TM9SF3: variants seen among roughly 807,000 people sequenced by gnomAD.
TM9SF3 encodes the protein transmembrane 9 superfamily member 3.
In TM9SF3, 14 loss-of-function variants were observed where a neutral mutation model predicts 78.6. That is an observed-to-expected ratio of 0.18 (90% CI 0.12 to 0.28). The LOEUF is 0.28. Ranked by LOEUF, TM9SF3 falls within the 10% of genes least tolerant of loss-of-function variation. TM9SF3 has a pLI of 1.00. For missense variants in TM9SF3, 496 were observed against 721.9 expected, an observed-to-expected ratio of 0.69 and a Z score of 3.59; for synonymous variants, 231 against 241.7, an observed-to-expected ratio of 0.96 and a Z score of 0.41.
chr10:96,552,177 C>A (rs545386381), intron 6 of TM9SF3, among the ~76,000 whole-genome samples: 2 of 152,268 alleles, frequency 1.3e-5, no homozygotes, highest in South Asian at 2.1e-4. Context: ...CCAAGCCAGG[C>A]ACGGTGGCTC....
chr10:96,552,857 T>G, intron 6 of TM9SF3, 71 bp downstream of exon 6: 1 of 1,339,090 alleles, frequency 7.5e-7, no homozygotes, highest in Non-Finnish European at 9.6e-7. Flanking sequence ...AATTATGACC[T>G]ACCTCCCAAC....
intron 10 of TM9SF3, among the ~76,000 whole-genome samples, chr10:96,530,970 C>T (rs947981405): frequency 2.6e-5 from 4 of 152,094 alleles, no homozygotes; most frequent in East Asian, 3.9e-4. Context: ...GGGAAAGAAA[C>T]GAAGAGTCTA....
intron 2 of TM9SF3, among the ~76,000 whole-genome samples, chr10:96,573,225 G>T (rs886177327): frequency 6.6e-6 from 1 of 152,160 alleles, no homozygotes; most frequent in African/African-American, 2.4e-5. Flanking sequence ...TCTATTATTA[G>T]TATGCTACGA....
intron 7 of TM9SF3, among the ~76,000 whole-genome samples, chr10:96,548,433 A>T (rs952772486): frequency 3.9e-5 from 6 of 152,194 alleles, no homozygotes; most frequent in African/African-American, 1.2e-4. Flanking sequence ...ACAGTAGTAT[A>T]ATCTATATTA....
intron 2 of TM9SF3, among the ~76,000 whole-genome samples, chr10:96,574,377 C>T (rs1848473154): frequency 6.6e-6 from 1 of 152,178 alleles, no homozygotes; most frequent in South Asian, 2.1e-4. Context: ...CAATGAGCTA[C>T]TACCTTATAC....
At chr10:96,581,635 A>G (rs1250721218) in intron 1 of TM9SF3, among the ~76,000 whole-genome samples, 1 of 152,232 alleles carries the variant, frequency 6.6e-6, no homozygotes, top group East Asian at 1.9e-4. Context: ...AACAATCTAC[A>G]TTAGATAACT....
At chr10:96,555,019 G>A (rs1848217459) in intron 5 of TM9SF3, among the ~76,000 whole-genome samples, 2 of 150,130 alleles carry the variant, frequency 1.3e-5, no homozygotes, top group Admixed American at 6.6e-5. Flanking sequence ...ATGGCCTCCT[G>A]GTTGGCCTTT....
chr10:96,558,866 A>G (rs1015433160), intron 5 of TM9SF3, among the ~76,000 whole-genome samples: 1 of 152,194 alleles, frequency 6.6e-6, no homozygotes, highest in African/African-American at 2.4e-5. Context: ...AGAAAGAAGC[A>G]ACAATTCAGG....
Position 96,551,316 on chromosome 10 carries a change from A to T in TM9SF3, c.888T>A (p.Gly296=). ...ACACAGCAAATATCTGACATCCAGA[A>T]CCAATCAGAGAGGAAAATATCAGTG... The part of the protein sequence containing the change: ...SHPLIFSSLI[G]SGCQIFAVSL... Residue 296 remains glycine, a synonymous_variant, in exon 7 of 15, where the codon GGT becomes GGA. Transcript: ENST00000371142. 6.2e-7 allele frequency: 1 copy of T among 1,613,170 alleles called. No individual in the cohort carries two copies.
intron 6 of TM9SF3, among the ~76,000 whole-genome samples, chr10:96,552,695 T>G (rs1398926562): frequency 6.6e-6 from 1 of 152,208 alleles, no homozygotes; most frequent in African/African-American, 2.4e-5. Context: ...ACTATTTATT[T>G]ATCCCACTTC....
At chr10:96,570,898 G>A (rs1164792038) in intron 2 of TM9SF3, among the ~76,000 whole-genome samples, 3 of 151,764 alleles carry the variant, frequency 2.0e-5, no homozygotes, top group African/African-American at 4.8e-5. Context: ...ACAGGTCCCC[G>A]GCTAATTTTT....
intron 9 of TM9SF3, among the ~76,000 whole-genome samples, chr10:96,536,503 C>A (rs1847962281): frequency 6.6e-6 from 1 of 152,104 alleles, no homozygotes. Context: ...CCCTAGCTCA[C>A]TTATTGTAGA....
At position 96,576,822 on chromosome 10, in the gene TM9SF3, T is replaced by C; in HGVS notation, c.110A>G (p.Asp37Gly). The C allele has an allele frequency of 1.3e-6, 2 of 1,500,668 alleles. No individual in the cohort carries two copies. Among genetic ancestry groups the C allele is most frequent in the South Asian group, 1.4e-5 (1 of 73,782 alleles). 93.0% of individuals were successfully genotyped at this position (1,500,668 alleles called of 1,614,324 possible). The change falls in exon 2 of 15, where the codon GAT becomes GGT. Residue 37 changes from aspartate (D) to glycine (G), a missense_variant. This residue lies in a region of TM9SF3 where 155 missense variants were observed against 241.6 expected (regional missense o/e 0.64). Transcript: ENST00000371142. ...CATCCATAAGACAACTTCCTCTTTA[T>C]CTTGATACTGAAACAAGAAAAGCAA... ...RADEHEHTYQ[D>G]KEEVVLWMNT...
intron 1 of TM9SF3, among the ~76,000 whole-genome samples, chr10:96,579,405 T>G (rs924151320): frequency 3.2e-4 from 49 of 152,332 alleles, no homozygotes; most frequent in African/African-American, 1.1e-3. Context: ...ATTCCAATAC[T>G]TTTCCTTTAA....
At chr10:96,529,444 T>C (rs1162686229) in intron 11 of TM9SF3, among the ~76,000 whole-genome samples, 1 of 152,116 alleles carries the variant, frequency 6.6e-6, no homozygotes, top group South Asian at 2.1e-4. Context: ...TAAAAAGTTA[T>C]AAAATTCGAT....
intron 2 of TM9SF3, among the ~76,000 whole-genome samples, chr10:96,574,309 G>A (rs1017211283): frequency 8.6e-5 from 13 of 151,974 alleles, no homozygotes; most frequent in African/African-American, 2.4e-4. Context: ...TGCAGCCAAC[G>A]AACATACAAA....
Position 96,576,741 on chromosome 10 carries a change from G to T in TM9SF3, c.191C>A (p.Pro64Gln). 6.2e-7 allele frequency: 1 copy of T among 1,610,498 alleles called. No individual in the cohort carries two copies. The highest frequency in any genetic ancestry group is 8.5e-7 in the Non-Finnish European group (1 of 1,178,564). ...RQETYKYFSLPFCVGSKKSIS... is the reference protein window; with the variant it reads ...RQETYKYFSLQFCVGSKKSIS... ...ACTTTTTTTTGACCCCACACAGAATGGAAGTGAAAAGTACTTATATGTTTC... is the reference window on the plus strand; with the variant it reads ...ACTTTTTTTTGACCCCACACAGAATTGAAGTGAAAAGTACTTATATGTTTC... The change falls in exon 2 of 15, where the codon CCA (proline) becomes CAA (glutamine). Residue 64 changes from proline to glutamine, a missense_variant. Physicochemically the swap from Pro to Gln is moderately conservative, Grantham distance 76 (BLOSUM62 -1). Coordinates refer to ENST00000371142, the MANE Select transcript of TM9SF3 (RefSeq NM_020123.4).
intron 2 of TM9SF3, among the ~76,000 whole-genome samples, chr10:96,572,005 A>G (rs1050515179): frequency 5.3e-5 from 8 of 152,218 alleles, no homozygotes; most frequent in Non-Finnish European, 1.0e-4. Flanking sequence ...ATTTATTAAA[A>G]GCATACTATG....
chr10:96,567,894 G>A (rs1003405228), intron 2 of TM9SF3, among the ~76,000 whole-genome samples: 2 of 152,180 alleles, frequency 1.3e-5, no homozygotes, highest in Non-Finnish European at 2.9e-5. Flanking sequence ...ACCTATACAT[G>A]CATCTGTGTA....
Sources: gnomAD v4.1 joint callset for allele counts (sites outside exome capture counted in the v4.1 genomes callset) on GRCh38, gnomAD v4.1.1 for gene constraint, gnomAD v4.1.1 regional missense constraint, MANE v1.5 for transcripts, NCBI Gene and HGNC (gene_info 2026-07-23, HGNC 2026-07-21) for gene names.